The following REPS2 variants were observed in gnomAD, a reference collection of about 807,000 sequenced individuals.
The protein encoded by REPS2 is RALBP1 associated Eps domain containing 2, also known as ralBP1-associated Eps domain-containing protein 2.
Under a neutral mutation model 53.6 loss-of-function variants are expected in REPS2, and 23 were observed. The observed-to-expected ratio is 0.43, with a 90% confidence interval of 0.31 to 0.61. The LOEUF is 0.61. Among genes scored for constraint, REPS2 ranks in the 20% least tolerant of loss-of-function variants. The probability of loss-of-function intolerance (pLI) is 0.11; values close to 1 mark genes in which losing one functional copy is unlikely to be tolerated. For synonymous variants in REPS2, 238 were observed against 218.6 expected (o/e 1.09, Z -0.78); for missense variants, 446 against 534.9 (o/e 0.83, Z 1.64).
chrX:17,166,191 G>A, the REPS2 span, among the ~76,000 whole-genome samples: 5 of 111,079 alleles, frequency 4.5e-5, no homozygotes, highest in Non-Finnish European at 7.5e-5. Flanking sequence ...TGGAAGAGGT[G>A]TTGCTTTCTT....
intron 9 of REPS2, among the ~76,000 whole-genome samples, chrX:17,066,642 G>A (rs895791621): frequency 3.6e-5 from 4 of 112,263 alleles, no homozygotes; most frequent in Admixed American, 9.5e-5. Context: ...GTGAGGCCGA[G>A]GTGGGCAGAT....
chrX:17,078,310 A>G (rs2062408676), intron 13 of REPS2, among the ~76,000 whole-genome samples: 1 of 112,546 alleles, frequency 8.9e-6, no homozygotes, highest in South Asian at 3.7e-4. Flanking sequence ...TGCTAAAGCA[A>G]GAAAAGACTT....
chrX:16,974,904 C>G (rs776143905), intron 1 of REPS2, among the ~76,000 whole-genome samples: 56 of 109,503 alleles, frequency 5.1e-4, no homozygotes, highest in Admixed American at 8.8e-4. Context: ...GTCTGTTGTT[C>G]TTCTCTGTGT....
intron 5 of REPS2, among the ~76,000 whole-genome samples, chrX:17,045,791 A>C (rs748785687): frequency 2.7e-5 from 3 of 110,082 alleles, no homozygotes; most frequent in Non-Finnish European, 5.7e-5. Context: ...TTCCGAAAGC[A>C]CCCTTAACCC....
At chrX:16,962,276 TACACACACACACACACACAC>T (rs61520216) in intron 1 of REPS2, among the ~76,000 whole-genome samples, 11 of 81,861 alleles carry the variant, frequency 1.3e-4, no homozygotes, top group South Asian at 1.5e-3. Context: ...TATCGTGGGA[TACACACACACACACACACAC>T]ACACACACAC....
intron 1 of REPS2, among the ~76,000 whole-genome samples, chrX:16,952,951 C>A (rs901663301): frequency 9.0e-6 from 1 of 110,576 alleles, no homozygotes; most frequent in Non-Finnish European, 1.9e-5. Flanking sequence ...CATAGCGAAA[C>A]CCCATCTCTA....
chrX:16,977,939 C>T (rs1221918572), intron 1 of REPS2, among the ~76,000 whole-genome samples: 1 of 110,791 alleles, frequency 9.0e-6, no homozygotes, highest in Non-Finnish European at 1.9e-5. Context: ...ATAGCTTCTT[C>T]ACTCTTATGA....
rs189897842 is a variant in REPS2 at position 17,022,117 on chromosome X, C to A, written c.398-6C>A. ...ACTAGAGCTTCTCTGATTTCTGGTCCCAAAGAATTGCCTCTGCCTCGCTTT... is the reference window on the plus strand; with the variant it reads ...ACTAGAGCTTCTCTGATTTCTGGTCACAAAGAATTGCCTCTGCCTCGCTTT... On this transcript the variant is annotated splice_polypyrimidine_tract_variant and splice_region_variant and intron_variant, in intron 2 of 17. Coordinates refer to ENST00000357277, the MANE Select transcript of REPS2 (RefSeq NM_004726.3). The A allele has an allele frequency of 1.3e-5, 16 of 1,189,066 alleles. No individual in the cohort carries two copies. In the African/African-American group the frequency reaches 1.9e-4, roughly 14 times the overall value.
rs189754080 is a variant in REPS2 at position 16,997,726 on chromosome X, T to C, written c.274-8495T>C. 2.7e-5 allele frequency among the ~76,000 whole-genome samples: 3 copies of C among 112,746 alleles called. No individual in the cohort carries two copies. In the East Asian group the frequency reaches 8.3e-4, roughly 31 times the overall value. ...CAAGCCTATGTATGCCCATCAGTTG[T>C]GCAAGAGCCTCAGTTCCTACTTCTA... On this transcript the variant is annotated intron_variant, in intron 1 of 17. Coordinates refer to ENST00000357277, the MANE Select transcript of REPS2 (RefSeq NM_004726.3).
intron 7 of REPS2, among the ~76,000 whole-genome samples, chrX:17,053,318 G>C (rs2062026931): frequency 9.0e-6 from 1 of 110,857 alleles, no homozygotes; most frequent in African/African-American, 3.3e-5. Flanking sequence ...ATATACTCTG[G>C]CATAATTTTT....
At chrX:17,103,572 C>CT in intron 13 of REPS2, 146 bp from the exon 14 acceptor site, 1 of 506,531 alleles carries the variant, frequency 2.0e-6, no homozygotes, top group Non-Finnish European at 3.4e-6. Flanking sequence ...AACGTGTACT[C>CT]TTTTTTCTTA....
intron 13 of REPS2, among the ~76,000 whole-genome samples, chrX:17,089,282 C>T (rs2062584180): frequency 9.0e-6 from 1 of 110,749 alleles, no homozygotes; most frequent in African/African-American, 3.3e-5. Context: ...GTATACTGAA[C>T]ATCCAGCTTC....
At chrX:17,120,589 C>G (rs1226212912) in intron 14 of REPS2, among the ~76,000 whole-genome samples, 1 of 111,622 alleles carries the variant, frequency 9.0e-6, no homozygotes, top group Non-Finnish European at 1.9e-5. Flanking sequence ...GAGGTGGGGT[C>G]TAGTTGGCAA....
chrX:17,050,908 A>G (rs747283114), intron 6 of REPS2, among the ~76,000 whole-genome samples: 2 of 111,678 alleles, frequency 1.8e-5, no homozygotes, highest in South Asian at 3.8e-4. Flanking sequence ...GTTATTGACT[A>G]TAGTCACCCT....
At chrX:17,142,938 C>G (rs1460852261) in intron 17 of REPS2, among the ~76,000 whole-genome samples, 1 of 112,232 alleles carries the variant, frequency 8.9e-6, no homozygotes, top group African/African-American at 3.2e-5. Flanking sequence ...ACACAAATGT[C>G]CTTCAAAAGA....
intron 8 of REPS2, among the ~76,000 whole-genome samples, chrX:17,059,873 T>C (rs1165411265): frequency 9.0e-6 from 1 of 111,241 alleles, no homozygotes; most frequent in Admixed American, 9.5e-5. Context: ...AGGACAGAGT[T>C]GTATTAGTTG....
intron 1 of REPS2, among the ~76,000 whole-genome samples, chrX:16,957,059 A>T (rs1330404034): frequency 3.6e-5 from 4 of 112,356 alleles, no homozygotes; most frequent in East Asian, 5.5e-4. Context: ...TAAATGTTTC[A>T]CCTGTGCTAA....
At chrX:17,108,933 T>C (rs1283933118) in intron 14 of REPS2, among the ~76,000 whole-genome samples, 1 of 106,760 alleles carries the variant, frequency 9.4e-6, no homozygotes, top group Non-Finnish European at 1.9e-5. Context: ...TTTTTTTTTT[T>C]AGCTGGCTAA....
chrX:16,960,859 A>G (rs1331122702), intron 1 of REPS2, among the ~76,000 whole-genome samples: 1 of 112,321 alleles, frequency 8.9e-6, no homozygotes, highest in African/African-American at 3.2e-5. Flanking sequence ...TTATGATAAC[A>G]TAAAAATAAT....
Sources: gnomAD v4.1 joint callset for allele counts (sites outside exome capture counted in the v4.1 genomes callset) on GRCh38, gnomAD v4.1.1 for gene constraint, MANE v1.5 for transcripts, NCBI Gene and HGNC (gene_info 2026-07-23, HGNC 2026-07-21) for gene names.